Variants in ZNF587 observed in about 807,000 individuals in gnomAD.
ZNF587 encodes zinc finger protein zfp6.
ZNF587 carries 8 observed loss-of-function variants against 7.5 expected under a neutral mutation model. The ratio of observed to expected loss-of-function variants is 1.06; its 90% CI spans 0.62 to 1.92. The LOEUF (loss-of-function observed/expected upper bound fraction) is 1.92, where lower values mean the gene tolerates loss of function less well. Among genes scored for constraint, ZNF587 ranks in the 40% most tolerant of loss-of-function variants. The probability of loss-of-function intolerance (pLI) is 0.00; values close to 1 mark genes in which losing one functional copy is unlikely to be tolerated. For missense variants in ZNF587, 468 were observed against 692.8 expected, an observed-to-expected ratio of 0.68 and a Z score of 3.64; for synonymous variants, 145 against 237.8, an observed-to-expected ratio of 0.61 and a Z score of 3.59.
Position 57,860,426 on chromosome 19 carries a change from G to A in ZNF587, c.*286G>A, listed in dbSNP as rs747025300. On this transcript the variant is annotated 3_prime_UTR_variant, in exon 3 of 3. Coordinates refer to ENST00000339656, the MANE Select transcript of ZNF587 (RefSeq NM_032828.4). ...TGGGATTATGAGTACACACCACCAC[G>A]CCCAGCTAATTTTTGTGTTTTTAGT... 4.2e-5 allele frequency: 20 copies of A among 474,122 alleles called. No homozygotes were observed. The Middle Eastern group carries it at 1.6e-3, about 39-fold the overall frequency. 29.4% of individuals were successfully genotyped at this position (474,122 alleles called of 1,614,324 possible). A position where few individuals can be genotyped will look rare whatever the true frequency, so the allele number is the denominator to read the frequency against.
At chr19:57,851,228 C>T (rs1158954699) in intron 1 of ZNF587, 1 of 152,040 alleles carries the variant, frequency 6.6e-6, no homozygotes, top group Non-Finnish European at 1.5e-5. Flanking sequence ...ACTCTTGGAG[C>T]CAGAAGCTGC....
At chr19:57,850,120 G>T in intron 1 of ZNF587, 49 bp downstream of exon 1, 4 of 1,614,190 alleles carry the variant, frequency 2.5e-6, no homozygotes, top group Middle Eastern at 1.7e-4. Context: ...CGTCACCCAG[G>T]TCCTAAACCA....
chr19:57,853,260 A>C (rs2071306205), intron 1 of ZNF587, among the ~76,000 whole-genome samples: 1 of 152,206 alleles, frequency 6.6e-6, no homozygotes. Context: ...GCTTCAGCTG[A>C]GATGACGTTG....
chr19:57,855,004 G>A (rs966707385), intron 1 of ZNF587, among the ~76,000 whole-genome samples: 3 of 150,800 alleles, frequency 2.0e-5, no homozygotes, highest in Admixed American at 6.6e-5. Context: ...GTGAAACCCC[G>A]TCTCTACTAA....
chr19:57,859,301 C>T lies in ZNF587; in HGVS notation c.889C>T (p.Pro297Ser). ...QRVHTGQTAY[P>S]CEECGKSFSQ... is the part of the protein sequence containing the mutation. ...AGTCCACACTGGACAGACAGCTTAT[C>T]CCTGTGAGGAGTGCGGGAAATCTTT... is the stretch of plus-strand genomic sequence containing the variant. Residue 297 changes from proline (P) to serine (S), a missense_variant, in exon 3 of 3, where the codon CCC becomes TCC. Coordinates refer to ENST00000339656, the MANE Select transcript of ZNF587 (RefSeq NM_032828.4). The T allele has an allele frequency of 6.4e-7, 1 of 1,567,422 alleles. No homozygotes were observed. Among genetic ancestry groups the T allele is most frequent in the Non-Finnish European group, 8.7e-7 (1 of 1,148,232 alleles).
chr19:57,857,479 G>C (rs547403979), intron 2 of ZNF587, among the ~76,000 whole-genome samples: 15 of 151,878 alleles, frequency 9.9e-5, no homozygotes, highest in Non-Finnish European at 1.2e-4. Flanking sequence ...TCTGATATTG[G>C]TGTATTGATT....
chr19:57,854,857 A>G (rs2071331283), intron 1 of ZNF587, among the ~76,000 whole-genome samples: 1 of 151,584 alleles, frequency 6.6e-6, no homozygotes, highest in Non-Finnish European at 1.5e-5. Flanking sequence ...CCTGGCCAAC[A>G]TGGTGAAACC....
rs144998481 is a variant in ZNF587 at position 57,859,896 on chromosome 19, G to C, written c.1484G>C (p.Ser495Thr). Residue 495 changes from serine (S) to threonine (T), a missense_variant, in exon 3 of 3, where the codon AGT becomes ACT. Around this residue, in one of 5 missense-constraint regions of ZNF587, gnomAD observed 310 missense variants for 325.6 expected, o/e 0.95. Transcript: ENST00000339656. ...IHTGERPYEC[S>T]ECGKSFLSSS... ...ACTGGAGAAAGGCCGTATGAATGCA[G>C]TGAATGTGGGAAATCATTTCTTTCC... 1 of 1,613,910 alleles carries C rather than the reference G, an allele frequency of 6.2e-7. No homozygotes were observed. Among genetic ancestry groups the C allele is most frequent in the South Asian group, 1.1e-5 (1 of 91,074 alleles).
At chr19:57,855,600 T>A (rs2122328387) in intron 1 of ZNF587, among the ~76,000 whole-genome samples, 1 of 150,692 alleles carries the variant, frequency 6.6e-6, no homozygotes, top group East Asian at 2.0e-4. Context: ...CTCGCTCTGT[T>A]GGCCAGGGTG....
chr19:57,859,879 A>T lies in ZNF587; in HGVS notation c.1467A>T (p.Glu489Asp), dbSNP rs1171751551. Residue 489 changes from glutamate (E) to aspartate (D), a missense_variant, in exon 3 of 3, where the codon GAA becomes GAT. By Grantham distance (45) the Glu-to-Asp change is conservative. This residue lies in a region of ZNF587 where 310 missense variants were observed against 325.6 expected (regional missense o/e 0.95). Coordinates refer to ENST00000339656, the MANE Select transcript of ZNF587 (RefSeq NM_032828.4). ...TACATCAGAGGATTCACACTGGAGA[A>T]AGGCCGTATGAATGCAGTGAATGTG... ...VTIHQRIHTG[E>D]RPYECSECGK... is the part of the protein sequence containing the mutation. 6.2e-7 allele frequency: 1 copy of T among 1,614,220 alleles called. No homozygotes were observed. The highest frequency in any genetic ancestry group is 8.5e-7 in the Non-Finnish European group (1 of 1,180,036).
intron 1 of ZNF587, among the ~76,000 whole-genome samples, chr19:57,855,121 T>C (rs1417326102): frequency 6.6e-6 from 1 of 151,490 alleles, no homozygotes; most frequent in Non-Finnish European, 1.5e-5. Context: ...GAGGCAGAGC[T>C]TGCACTGAGC....
Position 57,849,919 on chromosome 19 carries a change from G to A in ZNF587, c.-120G>A. 1.9e-6 allele frequency: 3 copies of A among 1,591,436 alleles called. No individual in the cohort carries two copies. Among genetic ancestry groups the A allele is most frequent in the Non-Finnish European group, 2.6e-6 (3 of 1,168,330 alleles). On this transcript the variant is annotated 5_prime_UTR_variant, in exon 1 of 3. In the 5' UTR this introduces an upstream ATG that the reference lacks. Transcript: ENST00000339656. ...CCAGTTTGTGGCCCCTGAGTGCTGG[G>A]TGGGACCGCGGTGACTGAACCTAGA... is the stretch of plus-strand genomic sequence containing the variant.
intron 2 of ZNF587, 61 bp from the exon 3 acceptor site, chr19:57,858,515 G>A: frequency 1.3e-6 from 2 of 1,554,296 alleles, no homozygotes; most frequent in East Asian, 2.3e-5. Flanking sequence ...CGTACTTGTG[G>A]GTGGGCTGTG....
At position 57,862,099 on chromosome 19, in the gene ZNF587, G is replaced by C. The variant is rs376053827; in HGVS notation, c.*1959G>C. 1 of 152,040 alleles carries C rather than the reference G, an allele frequency of 6.6e-6. No homozygotes were observed. Among genetic ancestry groups the C allele is most frequent in the Non-Finnish European group, 1.5e-5 (1 of 68,008 alleles). The allele number at this position is 152,040 out of a possible 1,614,324, so 9.4% of individuals were successfully genotyped here. A position where few individuals can be genotyped will look rare whatever the true frequency, so the allele number is the denominator to read the frequency against. On this transcript the variant is annotated 3_prime_UTR_variant, in exon 3 of 3. Coordinates refer to ENST00000339656, the MANE Select transcript of ZNF587 (RefSeq NM_032828.4). Reference sequence around the variant, plus strand: ...GAATACTTGGTTTTCAGTACCACAAGAACTATGAGCTGGTTATCCACTTCA... The same window carrying C: ...GAATACTTGGTTTTCAGTACCACAACAACTATGAGCTGGTTATCCACTTCA...
chr19:57,857,593 T>A (rs2071376055), intron 2 of ZNF587, among the ~76,000 whole-genome samples: 1 of 151,120 alleles, frequency 6.6e-6, no homozygotes, highest in African/African-American at 2.5e-5. Flanking sequence ...TATATATAGA[T>A]GTATATATAT....
At chr19:57,856,435 T>C (rs1306953173) in intron 2 of ZNF587, among the ~76,000 whole-genome samples, 4 of 150,856 alleles carry the variant, frequency 2.7e-5, no homozygotes, top group Middle Eastern at 3.4e-3. Context: ...TGAGACAGTG[T>C]CTCGCTCTGT....
chr19:57,858,215 C>T (rs1662024039), intron 2 of ZNF587: 2 of 271,808 alleles, frequency 7.4e-6, no homozygotes, highest in South Asian at 4.1e-5. Flanking sequence ...AAACCTCTGC[C>T]TTCTGGGTTC....
At chr19:57,854,100 CTTTGGG>C (rs2071319706) in intron 1 of ZNF587, 1 of 152,212 alleles carries the variant, frequency 6.6e-6, no homozygotes, top group South Asian at 2.1e-4. Flanking sequence ...TTTGAGATGA[CTTTGGG>C]AGTGCCTGGG....
chr19:57,850,896 G>C, intron 1 of ZNF587: 1 of 230,752 alleles, frequency 4.3e-6, no homozygotes, highest in Middle Eastern at 1.4e-3. Context: ...TTGAACAAAG[G>C]CGTGTGTCTA....
Sources: gnomAD v4.1 joint callset for allele counts (sites outside exome capture counted in the v4.1 genomes callset) on GRCh38, gnomAD v4.1.1 for gene constraint, gnomAD v4.1.1 regional missense constraint, MANE v1.5 for transcripts, NCBI Gene and HGNC (gene_info 2026-07-23, HGNC 2026-07-21) for gene names.